The following NCALD variants were observed in gnomAD, a reference collection of about 807,000 sequenced individuals.
The protein encoded by NCALD is neurocalcin-delta.
In NCALD, 10 loss-of-function variants were observed where a neutral mutation model predicts 18.6. The observed-to-expected ratio is 0.54, with a 90% CI of 0.33 to 0.91. The LOEUF is 0.91. Ranked by LOEUF, NCALD falls within the 40% of genes least tolerant of loss-of-function variation. NCALD has a pLI of 0.03. For missense variants in NCALD, 184 were observed against 247.6 expected (o/e 0.74, Z 1.72); for synonymous variants, 88 against 87.4 (o/e 1.01, Z -0.04).
At chr8:102,117,313 A>G (rs1825818631) in intron 1 of NCALD, among the ~76,000 whole-genome samples, 1 of 152,214 alleles carries the variant, frequency 6.6e-6, no homozygotes, top group Admixed American at 6.5e-5. Flanking sequence ...TTCCGTGTTC[A>G]CAGTAGGCCT....
At chr8:101,739,525 A>G (rs1237956693) in intron 1 of NCALD, among the ~76,000 whole-genome samples, 1 of 152,148 alleles carries the variant, frequency 6.6e-6, no homozygotes, top group African/African-American at 2.4e-5. Context: ...CCCATCCTCA[A>G]TCTGGGTGGG....
At chr8:102,055,060 G>T (rs976948682) in intron 1 of NCALD, among the ~76,000 whole-genome samples, 1 of 151,740 alleles carries the variant, frequency 6.6e-6, no homozygotes, top group African/African-American at 2.4e-5. Context: ...TCAATATCCA[G>T]GTCACTCATC....
chr8:101,740,855 C>T (rs1170860533), intron 1 of NCALD, among the ~76,000 whole-genome samples: 1 of 152,150 alleles, frequency 6.6e-6, no homozygotes, highest in Non-Finnish European at 1.5e-5. Flanking sequence ...CATCCATCCC[C>T]CTTCCCAGCA....
chr8:101,952,412 C>T (rs1395184589), intron 2 of NCALD, among the ~76,000 whole-genome samples: 2 of 152,240 alleles, frequency 1.3e-5, no homozygotes, highest in African/African-American at 2.4e-5. Flanking sequence ...TGCCATCCAT[C>T]CTTGGCTGGC....
intron 2 of NCALD, among the ~76,000 whole-genome samples, chr8:101,947,764 A>G (rs1380697752): frequency 3.3e-5 from 5 of 152,246 alleles, no homozygotes; most frequent in Admixed American, 3.3e-4. Flanking sequence ...ATCAAGGAAG[A>G]CTTCTCAGAA....
At chr8:102,039,030 C>T (rs530022957) in intron 1 of NCALD, among the ~76,000 whole-genome samples, 216 of 152,230 alleles carry the variant, frequency 1.4e-3, no homozygotes, top group Non-Finnish European at 1.8e-3. Context: ...CAGCCAACAG[C>T]GTGCAAGAAA....
chr8:101,717,020 C>G (rs1816119279), intron 2 of NCALD, among the ~76,000 whole-genome samples: 1 of 152,120 alleles, frequency 6.6e-6, no homozygotes, highest in Non-Finnish European at 1.5e-5. Context: ...AATTTTAGCC[C>G]AATGAAACTG....
chr8:102,028,876 T>C (rs901077662), intron 1 of NCALD: 3 of 152,088 alleles, frequency 2.0e-5, no homozygotes, highest in African/African-American at 7.2e-5. Context: ...AGACAACAGG[T>C]ATAAACTGGG....
At chr8:101,859,019 T>C (rs1488614447) in intron 4 of NCALD, among the ~76,000 whole-genome samples, 1 of 152,180 alleles carries the variant, frequency 6.6e-6, no homozygotes, top group Non-Finnish European at 1.5e-5. Flanking sequence ...TGGGTATGGC[T>C]GTGAGGATGT....
intron 4 of NCALD, among the ~76,000 whole-genome samples, chr8:101,811,271 A>G (rs1192791839): frequency 6.6e-6 from 1 of 152,168 alleles, no homozygotes; most frequent in Non-Finnish European, 1.5e-5. Context: ...GTAGAAGAAG[A>G]AGGTAGAAAT....
chr8:101,788,373 G>A (rs931483890), intron 1 of NCALD, among the ~76,000 whole-genome samples: 13 of 152,162 alleles, frequency 8.5e-5, no homozygotes, highest in Non-Finnish European at 1.8e-4. Flanking sequence ...TAGGCCACAA[G>A]CCACAGCACC....
intron 2 of NCALD, among the ~76,000 whole-genome samples, chr8:101,919,697 A>C (rs1303779882): frequency 6.6e-6 from 1 of 152,058 alleles, no homozygotes; most frequent in Non-Finnish European, 1.5e-5. Context: ...AAAAGAAAAA[A>C]AAAAACAAAA....
At chr8:102,088,770 G>A (rs901887669) in intron 1 of NCALD, among the ~76,000 whole-genome samples, 1 of 152,144 alleles carries the variant, frequency 6.6e-6, no homozygotes, top group African/African-American at 2.4e-5. Context: ...AAAGTAGATA[G>A]ATCTCCAGGA....
chr8:101,693,328 T>TG (rs1247953390), intron 2 of NCALD: 3 of 95,212 alleles, frequency 3.2e-5, no homozygotes, highest in African/African-American at 3.7e-5. Flanking sequence ...GTTTTTTTTT[T>TG]TTTTTTTTTT....
chr8:101,690,828 G>A (rs917730639), intron 3 of NCALD: 1 of 985,444 alleles, frequency 1.0e-6, no homozygotes, highest in Non-Finnish European at 1.2e-6. Flanking sequence ...CAAGGCATGA[G>A]GGAAGGGAGA....
At chr8:101,956,902 A>G (rs1819649245) in intron 2 of NCALD, among the ~76,000 whole-genome samples, 2 of 152,226 alleles carry the variant, frequency 1.3e-5, no homozygotes, top group Admixed American at 6.5e-5. Flanking sequence ...CCTGAAGTTT[A>G]CAATTTAATA....
intron 4 of NCALD, among the ~76,000 whole-genome samples, chr8:101,830,404 T>C (rs1041185812): frequency 6.6e-6 from 1 of 151,974 alleles, no homozygotes; most frequent in Non-Finnish European, 1.5e-5. Context: ...GTATTAAAAA[T>C]ACAAAAGTTA....
chr8:101,973,512 T>C (rs964734429), intron 2 of NCALD, among the ~76,000 whole-genome samples: 2 of 152,222 alleles, frequency 1.3e-5, no homozygotes, highest in Admixed American at 6.5e-5. Flanking sequence ...AAAACTAATA[T>C]TTAACCCTAA....
At chr8:102,062,315 CA>C (rs1398427588) in intron 1 of NCALD, among the ~76,000 whole-genome samples, 6 of 152,136 alleles carry the variant, frequency 3.9e-5, no homozygotes, top group Non-Finnish European at 8.8e-5. Context: ...AAACAAACAA[CA>C]AAAGTCAGAG....
Sources: gnomAD v4.1 joint callset for allele counts (sites outside exome capture counted in the v4.1 genomes callset) on GRCh38, gnomAD v4.1.1 for gene constraint, MANE v1.5 for transcripts, NCBI Gene and HGNC (gene_info 2026-07-23, HGNC 2026-07-21) for gene names.